Variants in CTTNBP2 observed in about 807,000 individuals in gnomAD.
The protein encoded by CTTNBP2 is cortactin binding protein 2, also known as cortactin-binding protein 2.
A neutral mutation model predicts 156.9 loss-of-function variants in CTTNBP2; 108 were observed. The observed-to-expected ratio is 0.69, with a 90% CI of 0.59 to 0.81. CTTNBP2 has a LOEUF of 0.81. Ranked by LOEUF, CTTNBP2 falls within the 30% of genes least tolerant of loss-of-function variation. CTTNBP2 has a pLI of 0.00. For missense variants in CTTNBP2, 1,924 were observed against 2,035.4 expected, an observed-to-expected ratio of 0.95 and a Z score of 1.05; for synonymous variants, 767 against 751.8, an observed-to-expected ratio of 1.02 and a Z score of -0.33.
At chr7:117,718,215 T>C (rs1328143314) in intron 21 of CTTNBP2, 96 bp from the exon 22 acceptor site, 1 of 735,790 alleles carries the variant, frequency 1.4e-6, no homozygotes, top group Non-Finnish European at 2.4e-6. Context: ...GCAGAAGTGT[T>C]ACTCTTATCC....
At chr7:117,711,870 G>T in intron 22 of CTTNBP2, 88 bp from the exon 23 acceptor site, 1 of 1,316,750 alleles carries the variant, frequency 7.6e-7, no homozygotes, top group Non-Finnish European at 1.0e-6. Flanking sequence ...CAAATGTACA[G>T]GAGTTTCTCT....
intron 16 of CTTNBP2, among the ~76,000 whole-genome samples, chr7:117,731,429 A>T (rs1297904048): frequency 6.6e-6 from 1 of 152,224 alleles, no homozygotes; most frequent in Non-Finnish European, 1.5e-5. Context: ...CCCAAATCCT[A>T]CACAGATAGA....
intron 2 of CTTNBP2, among the ~76,000 whole-genome samples, chr7:117,812,052 G>A (rs922076883): frequency 2.0e-5 from 3 of 151,810 alleles, no homozygotes; most frequent in African/African-American, 7.3e-5. Flanking sequence ...TCTCACTGAA[G>A]GGCATTAAAA....
intron 14 of CTTNBP2, among the ~76,000 whole-genome samples, chr7:117,738,947 G>C (rs1795849408): frequency 6.6e-6 from 1 of 152,096 alleles, no homozygotes; most frequent in Admixed American, 6.6e-5. Context: ...TAGACAAAAA[G>C]GGGGAAGGGC....
chr7:117,789,350 C>G (rs902089397), intron 4 of CTTNBP2, among the ~76,000 whole-genome samples: 1 of 152,136 alleles, frequency 6.6e-6, no homozygotes, highest in African/African-American at 2.4e-5. Context: ...GACAAAACTT[C>G]TATATCCTAG....
intron 9 of CTTNBP2, among the ~76,000 whole-genome samples, chr7:117,765,361 A>G (rs1367148193): frequency 6.6e-6 from 1 of 152,204 alleles, no homozygotes; most frequent in Non-Finnish European, 1.5e-5. Context: ...GGAATCTTAG[A>G]AAGACCTTAA....
chr7:117,845,444 G>T (rs2117158528), intron 2 of CTTNBP2, among the ~76,000 whole-genome samples: 1 of 152,292 alleles, frequency 6.6e-6, no homozygotes, highest in East Asian at 1.9e-4. Context: ...ACTTCTGAGT[G>T]ATGGGAAAAT....
rs1168162547 is a variant in CTTNBP2, at chr7:117,810,986, G to A, written c.193C>T (p.Arg65Cys). 4 of 1,608,256 alleles carry A rather than the reference G, an allele frequency of 2.5e-6. No homozygotes were observed. Among genetic ancestry groups the A allele is most frequent in the Non-Finnish European group, 3.4e-6 (4 of 1,175,538 alleles). The change falls in exon 3 of 23, where the codon CGC (arginine) becomes TGC (cysteine). Residue 65 changes from arginine (R) to cysteine (C), a missense_variant. Transcript: ENST00000160373. ...RDLVIEALRARRKEVFIQERY... is the reference protein window; with the variant it reads ...RDLVIEALRACRKEVFIQERY... ...TCCTGGATAAATACCTCCTTCCTGCGAGCCTGGAACAAAATTAGAGAAATG... is the reference window on the plus strand; with the variant it reads ...TCCTGGATAAATACCTCCTTCCTGCAAGCCTGGAACAAAATTAGAGAAATG...
chr7:117,764,231 T>C (rs543212619), intron 9 of CTTNBP2, among the ~76,000 whole-genome samples: 1 of 152,294 alleles, frequency 6.6e-6, no homozygotes, highest in South Asian at 2.1e-4. Context: ...GTCCACAGGA[T>C]TGCATCAAAA....
Position 117,737,525 on chromosome 7 carries a change from G to A in CTTNBP2, c.3536-2104C>T, listed in dbSNP as rs576722933. Among the ~76,000 whole-genome samples the A allele has an allele frequency of 2.7e-3, 407 of 152,316 alleles. 21 individuals are homozygous for A. The South Asian group carries it at 0.082, about 31-fold the overall frequency. On this transcript the variant is annotated intron_variant, in intron 14 of 22. Coordinates refer to ENST00000160373, the MANE Select transcript of CTTNBP2 (RefSeq NM_033427.3). ...CTCTTTGCTACAGGTACTGGATGCTGAGTGCTATGGCATGCCAGAAGTGAC... is the reference window on the plus strand; with the variant it reads ...CTCTTTGCTACAGGTACTGGATGCTAAGTGCTATGGCATGCCAGAAGTGAC...
chr7:117,735,441 T>G lies in CTTNBP2; in HGVS notation c.3536-20A>C. ...GACAAGCTATAATAAAAAAGGAAAT[T>G]CAGTGATTCAAGCTTTTGACAAAAA... On this transcript the variant is annotated intron_variant, in intron 14 of 22. Coordinates refer to ENST00000160373, the MANE Select transcript of CTTNBP2 (RefSeq NM_033427.3). 1.3e-6 allele frequency: 2 copies of G among 1,580,280 alleles called. No homozygotes were observed. Among genetic ancestry groups the G allele is most frequent in the Non-Finnish European group, 1.7e-6 (2 of 1,169,502 alleles).
chr7:117,715,707 TATATTGTTGCAA>T (rs1205958801), intron 22 of CTTNBP2: 2 of 152,202 alleles, frequency 1.3e-5, no homozygotes, highest in African/African-American at 4.8e-5. Flanking sequence ...AGTGAGGAGT[TATATTGTTGCAA>T]ATAATAAAGA....
At chr7:117,756,405 T>C in intron 12 of CTTNBP2, 150 bp downstream of exon 12, 1 of 646,802 alleles carries the variant, frequency 1.5e-6, no homozygotes, top group South Asian at 1.8e-5. Flanking sequence ...ATGGGCAGCC[T>C]GCCAGGGAGG....
intron 2 of CTTNBP2, among the ~76,000 whole-genome samples, chr7:117,821,091 T>A (rs1299733417): frequency 1.3e-5 from 2 of 152,184 alleles, no homozygotes; most frequent in African/African-American, 2.4e-5. Flanking sequence ...TTCTTAATTC[T>A]ACACATTTTA....
chr7:117,822,959 CTATT>C (rs1332054457), intron 2 of CTTNBP2, among the ~76,000 whole-genome samples: 4 of 152,138 alleles, frequency 2.6e-5, no homozygotes, highest in African/African-American at 7.2e-5. Flanking sequence ...ATGAAATTGT[CTATT>C]TGTTTTTAAT....
intron 3 of CTTNBP2, among the ~76,000 whole-genome samples, chr7:117,794,877 CTTTTTTTTT>C (rs755340586): frequency 5.7e-5 from 5 of 88,320 alleles, no homozygotes; most frequent in African/African-American, 1.6e-4. Context: ...ATATGTATAT[CTTTTTTTTT>C]TTTTTTTTTT....
At chr7:117,777,816 A>G in intron 7 of CTTNBP2, 51 bp from the exon 8 acceptor site, 1 of 1,533,064 alleles carries the variant, frequency 6.5e-7, no homozygotes, top group Non-Finnish European at 8.9e-7. Flanking sequence ...ATTAATGTCA[A>G]GGAAAATATT....
At chr7:117,852,900 G>T (rs1005137715) in intron 2 of CTTNBP2, among the ~76,000 whole-genome samples, 1 of 152,054 alleles carries the variant, frequency 6.6e-6, no homozygotes, top group Non-Finnish European at 1.5e-5. Flanking sequence ...GTTGCCTTTG[G>T]GGGAGAGACA....
At chr7:117,827,108 C>T (rs1801333676) in intron 2 of CTTNBP2, among the ~76,000 whole-genome samples, 1 of 152,136 alleles carries the variant, frequency 6.6e-6, no homozygotes, top group Non-Finnish European at 1.5e-5. Context: ...ATCTGCCTGC[C>T]TCAGCCTCCC....
Sources: gnomAD v4.1 joint callset for allele counts (sites outside exome capture counted in the v4.1 genomes callset) on GRCh38, gnomAD v4.1.1 for gene constraint, MANE v1.5 for transcripts, NCBI Gene and HGNC (gene_info 2026-07-23, HGNC 2026-07-21) for gene names.